GRID2: variants seen among roughly 807,000 people sequenced by gnomAD.
GRID2 encodes the protein glutamate receptor ionotropic, delta-2.
Under a neutral mutation model 114.8 loss-of-function variants are expected in GRID2, and 33 were observed. That is an observed-to-expected ratio of 0.29 (90% CI 0.22 to 0.38). GRID2 has a LOEUF of 0.38. Ranked by LOEUF, GRID2 falls within the 10% of genes least tolerant of loss-of-function variation. GRID2 has a pLI of 1.00. For missense variants in GRID2, 1,184 were observed against 1,257.7 expected (o/e 0.94, Z 0.89); for synonymous variants, 505 against 449.9 (o/e 1.12, Z -1.55).
chr4:92,579,298 C>T (rs1728061333), intron 1 of GRID2, among the ~76,000 whole-genome samples: 1 of 151,974 alleles, frequency 6.6e-6, no homozygotes, highest in African/African-American at 2.4e-5. Context: ...TATACTCTAT[C>T]ATCGCTTTTA....
At chr4:93,329,926 G>T (rs1344630345) in intron 8 of GRID2, among the ~76,000 whole-genome samples, 1 of 151,082 alleles carries the variant, frequency 6.6e-6, no homozygotes, top group Non-Finnish European at 1.5e-5. Context: ...AAAAAAAATT[G>T]TACTTTTTGT....
intron 14 of GRID2, among the ~76,000 whole-genome samples, chr4:93,653,870 A>T (rs1406625077): frequency 1.3e-5 from 2 of 152,136 alleles, no homozygotes; most frequent in Non-Finnish European, 1.5e-5. Context: ...CAAGAAGTAT[A>T]TAAAGTCAGT....
At chr4:92,590,755 A>G (rs992561561) in intron 2 of GRID2, among the ~76,000 whole-genome samples, 8 of 152,092 alleles carry the variant, frequency 5.3e-5, no homozygotes, top group Non-Finnish European at 1.2e-4. Flanking sequence ...ACTCTAACAT[A>G]CTGACCTACG....
chr4:93,261,144 G>C (rs1040128079), intron 8 of GRID2, among the ~76,000 whole-genome samples: 1 of 151,580 alleles, frequency 6.6e-6, no homozygotes, highest in African/African-American at 2.4e-5. Context: ...AGTCACTTTT[G>C]ACACATGTTA....
intron 2 of GRID2, among the ~76,000 whole-genome samples, chr4:92,835,111 C>A (rs1019739295): frequency 1.3e-5 from 2 of 150,372 alleles, no homozygotes; most frequent in Non-Finnish European, 3.0e-5. Context: ...TGGCAGTGCT[C>A]AATGGAAAGT....
chr4:92,548,795 G>A lies in GRID2; in HGVS notation c.89-41336G>A, dbSNP rs114669909. On this transcript the variant is annotated intron_variant, in intron 1 of 15. Coordinates refer to ENST00000282020, the MANE Select transcript of GRID2 (RefSeq NM_001510.4). ...CTGGTCATATTCTGGGGACACCTTA[G>A]GAAACTTTCATTCGTGGTGGAAGGT... is the stretch of plus-strand genomic sequence containing the variant. Among the ~76,000 whole-genome samples, 934 of 152,138 alleles carry A rather than the reference G, an allele frequency of 6.1e-3. 6 individuals carry two copies. Among genetic ancestry groups the A allele is most frequent in the African/African-American group, 0.021 (887 of 41,508 alleles).
chr4:92,484,535 GGTT>G (rs892382950), intron 1 of GRID2, among the ~76,000 whole-genome samples: 4 of 151,988 alleles, frequency 2.6e-5, no homozygotes, highest in African/African-American at 9.7e-5. Flanking sequence ...AAATGATGAT[GGTT>G]TAGGAAGGTG....
At chr4:92,695,914 G>A (rs777116042) in intron 2 of GRID2, among the ~76,000 whole-genome samples, 1 of 152,010 alleles carries the variant, frequency 6.6e-6, no homozygotes, top group Non-Finnish European at 1.5e-5. Context: ...TTTAGTGTAC[G>A]ATATATTAAA....
At chr4:93,506,503 G>A (rs1042373872) in intron 12 of GRID2, among the ~76,000 whole-genome samples, 1 of 152,140 alleles carries the variant, frequency 6.6e-6, no homozygotes, top group African/African-American at 2.4e-5. Context: ...CAAACCAGAA[G>A]GACCTGAGGC....
intron 2 of GRID2, among the ~76,000 whole-genome samples, chr4:92,816,485 TTGTC>T (rs774693984): frequency 1.3e-5 from 2 of 152,136 alleles, no homozygotes; most frequent in South Asian, 2.1e-4. Context: ...TGTATACTGA[TTGTC>T]TGTTATATAG....
At chr4:93,213,630 G>T (rs1255415485) in intron 5 of GRID2, among the ~76,000 whole-genome samples, 2 of 152,046 alleles carry the variant, frequency 1.3e-5, no homozygotes, top group Non-Finnish European at 2.9e-5. Flanking sequence ...GTCTAAATTG[G>T]CATCTGATCC....
intron 4 of GRID2, 124 bp downstream of exon 4, chr4:93,111,077 A>G (rs1732721000): frequency 1.5e-6 from 1 of 654,872 alleles, no homozygotes; most frequent in Non-Finnish European, 2.7e-6. Context: ...TCTTGTTAAC[A>G]CTAATGGAGG....
At position 92,889,975 on chromosome 4, in the gene GRID2, G is replaced by A. The variant is rs191598287; in HGVS notation, c.245-195020G>A. On this transcript the variant is annotated intron_variant, in intron 2 of 15. Coordinates refer to ENST00000282020, the MANE Select transcript of GRID2 (RefSeq NM_001510.4). ...GAAATAAAGCCACACATTTACAACC[G>A]TCTGATCTTTGACAAACCTGACAAA... is the stretch of plus-strand genomic sequence containing the variant. Among the ~76,000 whole-genome samples the A allele has an allele frequency of 2.4e-4, 37 of 152,090 alleles. No individual in the cohort carries two copies. The East Asian group carries it at 3.5e-3, about 14-fold the overall frequency.
intron 2 of GRID2, among the ~76,000 whole-genome samples, chr4:92,980,887 G>A (rs2149187124): frequency 6.6e-6 from 1 of 152,098 alleles, no homozygotes; most frequent in South Asian, 2.1e-4. Context: ...TACCCAGCTG[G>A]CATCATGGCC....
At chr4:92,466,088 T>C (rs1721738077) in intron 1 of GRID2, among the ~76,000 whole-genome samples, 1 of 151,754 alleles carries the variant, frequency 6.6e-6, no homozygotes, top group Admixed American at 6.6e-5. Context: ...GCAAAAGTAA[T>C]TGCAGTTTTT....
At chr4:93,803,550 T>C (rs1734975269) in intron 1 of GRID2, among the ~76,000 whole-genome samples, 1 of 151,828 alleles carries the variant, frequency 6.6e-6, no homozygotes, top group Non-Finnish European at 1.5e-5. Context: ...AGTGAAACCG[T>C]GTCTCTACTA....
chr4:92,565,162 A>T (rs1727278191), intron 1 of GRID2, among the ~76,000 whole-genome samples: 1 of 152,006 alleles, frequency 6.6e-6, no homozygotes, highest in Admixed American at 6.6e-5. Flanking sequence ...TTGTTATGTT[A>T]CTTATTACTT....
chr4:93,199,157 A>G (rs1741817817), intron 4 of GRID2, among the ~76,000 whole-genome samples: 1 of 152,180 alleles, frequency 6.6e-6, no homozygotes, highest in Non-Finnish European at 1.5e-5. Flanking sequence ...GTTTTGGCAT[A>G]ATGCACCTTA....
intron 2 of GRID2, among the ~76,000 whole-genome samples, chr4:92,896,271 G>A (rs1160696395): frequency 6.6e-6 from 1 of 152,110 alleles, no homozygotes; most frequent in Non-Finnish European, 1.5e-5. Flanking sequence ...TCCCCTCTGG[G>A]GTTGTATTCA....
Sources: gnomAD v4.1 joint callset for allele counts (sites outside exome capture counted in the v4.1 genomes callset) on GRCh38, gnomAD v4.1.1 for gene constraint, MANE v1.5 for transcripts, NCBI Gene and HGNC (gene_info 2026-07-23, HGNC 2026-07-21) for gene names.